NEMF: variants seen among roughly 807,000 people sequenced by gnomAD.
The protein encoded by NEMF is nuclear export mediator factor.
Under a neutral mutation model 162.2 loss-of-function variants are expected in NEMF, and 89 were observed. The observed-to-expected ratio is 0.55, with a 90% CI of 0.46 to 0.65. The LOEUF (loss-of-function observed/expected upper bound fraction) is 0.65. NEMF is among the 30% of genes least tolerant of loss of function. The pLI is 0.00. For synonymous variants in NEMF, 421 were observed against 404.5 expected, an observed-to-expected ratio of 1.04 and a Z score of -0.49; for missense variants, 1,133 against 1,261.9, an observed-to-expected ratio of 0.90 and a Z score of 1.55.
At chr14:49,810,540 T>G (rs1419581428) in intron 18 of NEMF, among the ~76,000 whole-genome samples, 1 of 152,216 alleles carries the variant, frequency 6.6e-6, no homozygotes, top group East Asian at 1.9e-4. Context: ...ACCAGTGTCC[T>G]GATTACTGTT....
intron 28 of NEMF, among the ~76,000 whole-genome samples, chr14:49,788,733 T>G (rs540619426): frequency 1.6e-3 from 243 of 151,982 alleles, no homozygotes; most frequent in Non-Finnish European, 2.6e-3. Context: ...TTTTTTGTAT[T>G]TTTTTAGTAG....
At chr14:49,815,184 T>G (rs1252895576) in intron 16 of NEMF, among the ~76,000 whole-genome samples, 1 of 152,210 alleles carries the variant, frequency 6.6e-6, no homozygotes, top group East Asian at 1.9e-4. Context: ...AGCTTTCTTT[T>G]AGTGAGGCAC....
At chr14:49,847,357 C>T (rs1342519442) in intron 3 of NEMF, among the ~76,000 whole-genome samples, 2 of 151,962 alleles carry the variant, frequency 1.3e-5, no homozygotes, top group Non-Finnish European at 2.9e-5. Context: ...GCGCCCACTA[C>T]CACGCCTGGC....
At chr14:49,838,836 G>A (rs1189721232) in intron 5 of NEMF, among the ~76,000 whole-genome samples, 3 of 151,968 alleles carry the variant, frequency 2.0e-5, no homozygotes, top group South Asian at 4.1e-4. Flanking sequence ...CGCCCACCTT[G>A]GCCTCCCAAA....
In NEMF at chr14:49,784,945, C is replaced by T; in HGVS notation, c.3133G>A (p.Asp1045Asn). 6.2e-7 allele frequency: 1 copy of T among 1,613,790 alleles called. No homozygotes were observed. The highest frequency in any genetic ancestry group is 8.5e-7 in the Non-Finnish European group (1 of 1,179,854). Residue 1045 changes from aspartate to asparagine, a missense_variant, in exon 32 of 33, where the codon GAC becomes AAC. Asp to Asn is a conservative substitution (Grantham distance 23, BLOSUM62 1). Transcript: ENST00000298310. The stretch of plus-strand genomic sequence containing the variant: ...TTTACCTTTACGCTGCGGAATAAGT[C>T]TTTTTCTCTTGCTGTTGCTTCTTTG... ...HSKEATAREK[D>N]LFRSVKDTDL...
chr14:49,817,170 C>T (rs1027682940), intron 16 of NEMF, among the ~76,000 whole-genome samples: 10 of 152,176 alleles, frequency 6.6e-5, no homozygotes, highest in African/African-American at 1.4e-4. Context: ...AGGCCAGGCG[C>T]GGTGGCTTAT....
At chr14:49,804,495 G>A (rs1454028284) in intron 19 of NEMF, among the ~76,000 whole-genome samples, 2 of 151,402 alleles carry the variant, frequency 1.3e-5, no homozygotes, top group Non-Finnish European at 2.9e-5. Context: ...GGCTAAGATG[G>A]TGAAACCCTG....
chr14:49,806,245 TATATA>T (rs1891192965), intron 18 of NEMF, 112 bp from the exon 19 acceptor site: 1 of 15,210 alleles, frequency 6.6e-5, no homozygotes, highest in African/African-American at 1.8e-4. Context: ...TATATATATA[TATATA>T]TATATATTTT....
chr14:49,826,734 C>T (rs1487386470), intron 15 of NEMF, among the ~76,000 whole-genome samples: 1 of 152,074 alleles, frequency 6.6e-6, no homozygotes, highest in African/African-American at 2.4e-5. Flanking sequence ...CACAAAGATT[C>T]TACTTTCATG....
At chr14:49,844,819 AG>A (rs1893410729) in intron 4 of NEMF, 1 of 426,124 alleles carries the variant, frequency 2.3e-6, no homozygotes, top group Non-Finnish European at 4.8e-6. Flanking sequence ...CCTGAGCTGG[AG>A]TACAATGGCA....
chr14:49,822,215 G>C (rs1892103053), intron 16 of NEMF, among the ~76,000 whole-genome samples: 1 of 151,746 alleles, frequency 6.6e-6, no homozygotes, highest in African/African-American at 2.4e-5. Flanking sequence ...TTTGCCTGCT[G>C]ACCTTCCCTC....
chr14:49,831,270 GTTTAATATGTGTT>G lies in NEMF; in HGVS notation c.945+16_945+28del, dbSNP rs766736593. Reference sequence around the variant, plus strand: ...CCATCAAGCCGCTAAAGACTAGCTGGTTTAATATGTGTTTTTAATAATACATACCTGTTGTAAA... The same window carrying G: ...CCATCAAGCCGCTAAAGACTAGCTGGTTTAATAATACATACCTGTTGTAAA... On this transcript the variant is annotated intron_variant, in intron 11 of 32. Coordinates refer to ENST00000298310, the MANE Select transcript of NEMF (RefSeq NM_004713.6). 7.8e-7 allele frequency: 1 copy of G among 1,287,404 alleles called. No homozygotes were observed. The highest frequency in any genetic ancestry group is 2.3e-5 in the East Asian group (1 of 43,372). The allele number at this position is 1,287,404 out of a possible 1,614,324, so 79.7% of individuals were successfully genotyped here.
intron 16 of NEMF, among the ~76,000 whole-genome samples, chr14:49,818,962 A>G (rs1594766707): frequency 1.3e-5 from 2 of 152,168 alleles, no homozygotes; most frequent in Middle Eastern, 3.2e-3. Flanking sequence ...GCATTTAAAT[A>G]CCCTACCATA....
At chr14:49,808,194 G>A (rs548166144) in intron 18 of NEMF, among the ~76,000 whole-genome samples, 2 of 151,798 alleles carry the variant, frequency 1.3e-5, no homozygotes, top group African/African-American at 2.4e-5. Flanking sequence ...TATTTTTTGA[G>A]ACAGAATTTC....
chr14:49,788,558 C>T (rs12885640), intron 28 of NEMF, among the ~76,000 whole-genome samples: 1,148 of 44,496 alleles, frequency 0.026, 18 homozygotes, highest in African/African-American at 0.04. Context: ...TTCTCTCTCT[C>T]TTTTTTTTTT....
intron 29 of NEMF, among the ~76,000 whole-genome samples, 162 bp downstream of exon 29, chr14:49,786,554 TAC>T (rs1485075555): frequency 6.6e-6 from 1 of 152,206 alleles, no homozygotes; most frequent in Admixed American, 6.5e-5. Flanking sequence ...TCCAAGTTTG[TAC>T]AGTTACATAT....
intron 26 of NEMF, among the ~76,000 whole-genome samples, chr14:49,790,934 G>A (rs1334134721): frequency 6.6e-6 from 1 of 151,794 alleles, no homozygotes; most frequent in Admixed American, 6.6e-5. Flanking sequence ...CAGAGGTTGC[G>A]GTGAGCCGAG....
In NEMF at chr14:49,784,091, T is replaced by A. The variant is rs150642324; in HGVS notation, c.*545A>T. 1 of 151,060 alleles carries A rather than the reference T, an allele frequency of 6.6e-6. No homozygotes were observed. The highest frequency in any genetic ancestry group is 6.6e-5 in the Admixed American group (1 of 15,066). 9.4% of individuals were successfully genotyped at this position (151,060 alleles called of 1,614,324 possible). ...ATTAACCTCCCAAATTTCAAGAAAATGTAGAATAACTACAGATGTATATAA... is the reference window on the plus strand; with the variant it reads ...ATTAACCTCCCAAATTTCAAGAAAAAGTAGAATAACTACAGATGTATATAA... On this transcript the variant is annotated 3_prime_UTR_variant, in exon 33 of 33. Transcript: ENST00000298310.
Position 49,806,921 on chromosome 14 carries a change from A to G in NEMF, c.1745-788T>C, listed in dbSNP as rs1487886215. The stretch of plus-strand genomic sequence containing the variant: ...TAAAATTCACCCCTTTAAAGTATAC[A>G]ATTCAGTGGCTTTTTGTATATTCAT... On this transcript the variant is annotated intron_variant, in intron 18 of 32. Transcript: ENST00000298310. Among the ~76,000 whole-genome samples the G allele has an allele frequency of 2.0e-5, 3 of 152,234 alleles. No homozygotes were observed. In the East Asian group the frequency reaches 5.8e-4, roughly 29 times the overall value.
Sources: allele counts gnomAD v4.1 joint callset (sites outside exome capture counted in the v4.1 genomes callset), GRCh38; gene constraint gnomAD v4.1.1; transcripts MANE v1.5; gene names NCBI Gene and HGNC (gene_info 2026-07-23, HGNC 2026-07-21).